NCKAP5: variants seen among roughly 807,000 people sequenced by gnomAD.
The protein encoded by NCKAP5 is NCK associated protein 5, also known as nck-associated protein 5.
Under a neutral mutation model 167.0 loss-of-function variants are expected in NCKAP5, and 92 were observed. The observed-to-expected ratio is 0.55, with a 90% CI of 0.47 to 0.66. The LOEUF (loss-of-function observed/expected upper bound fraction) is 0.66, where lower values mean the gene tolerates loss of function less well. Ranked by LOEUF, NCKAP5 falls within the 30% of genes least tolerant of loss-of-function variation. The probability of loss-of-function intolerance (pLI) is 0.00; values close to 1 mark genes in which losing one functional copy is unlikely to be tolerated. For synonymous variants in NCKAP5, 891 were observed against 877.4 expected (o/e 1.02, Z -0.27); for missense variants, 2,378 against 2,315.0 (o/e 1.03, Z -0.56).
chr2:132,725,157 C>A lies in NCKAP5; in HGVS notation c.5713+470G>T, dbSNP rs572956471. Among the ~76,000 whole-genome samples the A allele has an allele frequency of 1.3e-3, 194 of 152,268 alleles. 1 individual carries two copies. Among genetic ancestry groups the A allele is most frequent in the African/African-American group, 4.5e-3 (189 of 41,542 alleles). ...GATAATGACTTTTCTACTGCCAATTCTGGCTCAAAGACAAAGATGGTGAGG... is the reference window on the plus strand; with the variant it reads ...GATAATGACTTTTCTACTGCCAATTATGGCTCAAAGACAAAGATGGTGAGG... On this transcript the variant is annotated intron_variant, in intron 19 of 19. Coordinates refer to ENST00000409261, the MANE Select transcript of NCKAP5 (RefSeq NM_207363.3).
At chr2:133,260,884 C>A (rs2088872871) in intron 4 of NCKAP5, among the ~76,000 whole-genome samples, 1 of 152,058 alleles carries the variant, frequency 6.6e-6, no homozygotes, top group African/African-American at 2.4e-5. Context: ...ACTTACAATG[C>A]CATGCTTAAC....
At chr2:132,988,567 G>A (rs969834733) in intron 7 of NCKAP5, among the ~76,000 whole-genome samples, 2 of 151,792 alleles carry the variant, frequency 1.3e-5, no homozygotes, top group African/African-American at 4.8e-5. Flanking sequence ...CTGCACTGGT[G>A]TGTTTCTGGG....
At chr2:132,913,585 A>G (rs180930468) in intron 8 of NCKAP5, among the ~76,000 whole-genome samples, 46 of 152,304 alleles carry the variant, frequency 3.0e-4, no homozygotes, top group African/African-American at 8.7e-4. Context: ...AATTTTTTCC[A>G]TAAGGCTGGT....
At chr2:132,712,223 T>C (rs1349645623) in intron 19 of NCKAP5, among the ~76,000 whole-genome samples, 1 of 152,148 alleles carries the variant, frequency 6.6e-6, no homozygotes, top group Admixed American at 6.5e-5. Flanking sequence ...CTCTCTTCAT[T>C]CCCTGATTTG....
chr2:133,270,170 A>G lies in NCKAP5; in HGVS notation c.143+32867T>C, dbSNP rs546557514. On this transcript the variant is annotated intron_variant, in intron 4 of 19. Coordinates refer to ENST00000409261, the MANE Select transcript of NCKAP5 (RefSeq NM_207363.3). ...GTTTATGGTGGTGATTATTATTGTT[A>G]TTAATGTTTGCCAACCAAAATGAGA... Among the ~76,000 whole-genome samples the G allele has an allele frequency of 1.1e-3, 168 of 152,322 alleles. 1 individual carries two copies. Among genetic ancestry groups the G allele is most frequent in the African/African-American group, 3.8e-3 (160 of 41,568 alleles).
At chr2:133,440,994 C>T (rs1005863780) in intron 3 of NCKAP5, among the ~76,000 whole-genome samples, 6 of 152,042 alleles carry the variant, frequency 3.9e-5, no homozygotes, top group South Asian at 2.1e-4. Flanking sequence ...AATCTATATT[C>T]CTGTGAAGAA....
intron 6 of NCKAP5, among the ~76,000 whole-genome samples, chr2:133,008,441 T>C (rs1285625422): frequency 6.6e-6 from 1 of 152,232 alleles, no homozygotes; most frequent in African/African-American, 2.4e-5. Context: ...TTAATAGACA[T>C]GTTTTTGATG....
chr2:133,571,785 C>T (rs1343235939), upstream of NCKAP5, among the ~76,000 whole-genome samples: 1 of 152,114 alleles, frequency 6.6e-6, no homozygotes, highest in Non-Finnish European at 1.5e-5. Context: ...TTTCTACCTC[C>T]AGCGTCTGAG....
chr2:132,711,060 T>C (rs967146632), intron 19 of NCKAP5, among the ~76,000 whole-genome samples: 6 of 152,214 alleles, frequency 3.9e-5, no homozygotes, highest in Non-Finnish European at 8.8e-5. Flanking sequence ...CCGGGCACTG[T>C]TCTAGGCACT....
intron 6 of NCKAP5, among the ~76,000 whole-genome samples, chr2:133,127,702 C>T (rs2082448243): frequency 6.6e-6 from 1 of 152,150 alleles, no homozygotes; most frequent in Non-Finnish European, 1.5e-5. Context: ...GATCTGCCTC[C>T]TCCTATCCTG....
the NCKAP5 span, among the ~76,000 whole-genome samples, chr2:133,607,311 C>G: frequency 1.3e-5 from 2 of 152,180 alleles, no homozygotes; most frequent in East Asian, 3.8e-4. Flanking sequence ...CCTTCCCAGT[C>G]TACTGTCAGA....
intron 5 of NCKAP5, among the ~76,000 whole-genome samples, chr2:133,149,103 A>G (rs1441483609): frequency 6.6e-6 from 1 of 152,014 alleles, no homozygotes; most frequent in Non-Finnish European, 1.5e-5. Context: ...TCATCTCTAA[A>G]CTCTTCATAA....
chr2:133,617,487 CA>C, the NCKAP5 span, among the ~76,000 whole-genome samples: 689 of 142,680 alleles, frequency 4.8e-3, 8 homozygotes, highest in Admixed American at 0.013. Context: ...ACAAAAATCA[CA>C]AGCATTCTTA....
chr2:133,189,623 G>A (rs949593887), intron 5 of NCKAP5, among the ~76,000 whole-genome samples: 3 of 152,190 alleles, frequency 2.0e-5, no homozygotes, highest in Non-Finnish European at 4.4e-5. Flanking sequence ...TGCAAGGCTG[G>A]TTCAACAGAG....
At chr2:132,711,850 A>G (rs1002691165) in intron 19 of NCKAP5, among the ~76,000 whole-genome samples, 1 of 152,130 alleles carries the variant, frequency 6.6e-6, no homozygotes. Flanking sequence ...TTGAGCTTAC[A>G]TTCCACTAGG....
chr2:133,021,679 G>A (rs958474786), intron 6 of NCKAP5, among the ~76,000 whole-genome samples: 14 of 152,094 alleles, frequency 9.2e-5, no homozygotes, highest in African/African-American at 2.2e-4. Context: ...TCGCCCAGGC[G>A]GGAGTGCAGT....
intron 11 of NCKAP5, among the ~76,000 whole-genome samples, chr2:132,840,276 ATT>A (rs199908793): frequency 0.073 from 9,798 of 135,114 alleles, 639 homozygotes; most frequent in African/African-American, 0.16. Flanking sequence ...ATTGCACAGC[ATT>A]TTTTTTTTTT....
At chr2:132,740,106 T>G (rs1184524820) in intron 16 of NCKAP5, among the ~76,000 whole-genome samples, 1 of 152,114 alleles carries the variant, frequency 6.6e-6, no homozygotes, top group East Asian at 1.9e-4. Context: ...TCTGCAACCC[T>G]CATTCATAAA....
intron 5 of NCKAP5, among the ~76,000 whole-genome samples, chr2:133,179,717 A>AGTCAATG (rs1402815667): frequency 6.6e-6 from 1 of 152,212 alleles, no homozygotes. Context: ...AAAATATACA[A>AGTCAATG]GTCAATGAGT....
Sources: gnomAD v4.1 joint callset for allele counts (sites outside exome capture counted in the v4.1 genomes callset) on GRCh38, gnomAD v4.1.1 for gene constraint, MANE v1.5 for transcripts, NCBI Gene and HGNC (gene_info 2026-07-23, HGNC 2026-07-21) for gene names.